SLC26A5: variants seen among roughly 807,000 people sequenced by gnomAD.
The protein encoded by SLC26A5 is solute carrier family 26 member 5.
In SLC26A5, 51 loss-of-function variants were observed where a neutral mutation model predicts 81.0. The observed-to-expected ratio is 0.63, with a 90% CI of 0.50 to 0.80. SLC26A5 has a LOEUF of 0.80. SLC26A5 is among the 30% of genes least tolerant of loss of function. The pLI is 0.00. For synonymous variants in SLC26A5, 325 were observed against 332.8 expected (o/e 0.98, Z 0.25); for missense variants, 771 against 905.8 (o/e 0.85, Z 1.91).
chr7:103,368,847 T>A (rs1216242959), intron 19 of SLC26A5: 1 of 152,218 alleles, frequency 6.6e-6, no homozygotes, highest in African/African-American at 2.4e-5. Flanking sequence ...CAAATTACTT[T>A]AAAATTTTGG....
downstream of SLC26A5, among the ~76,000 whole-genome samples, chr7:103,373,941 T>C (rs1821163144): frequency 6.6e-6 from 1 of 152,194 alleles, no homozygotes; most frequent in African/African-American, 2.4e-5. Context: ...AAAAGGTTAT[T>C]TTAAAACAAG....
chr7:103,370,387 A>AC (rs1259382856), downstream of SLC26A5, among the ~76,000 whole-genome samples: 7 of 105,288 alleles, frequency 6.6e-5, 1 homozygote, highest in African/African-American at 2.2e-4. Flanking sequence ...GCACACCCCC[A>AC]CCCCCCCAAC....
chr7:103,407,765 T>C, intron 8 of SLC26A5, 86 bp downstream of exon 8: 1 of 1,479,914 alleles, frequency 6.8e-7, no homozygotes, highest in Non-Finnish European at 9.2e-7. Flanking sequence ...AGCAAAAAAT[T>C]CCTTTCATCC....
intron 1 of SLC26A5, chr7:103,445,534 G>A (rs549924118): frequency 7.2e-5 from 11 of 152,348 alleles, no homozygotes; most frequent in African/African-American, 2.6e-4. Flanking sequence ...GTCCCTTCGT[G>A]ACCGGATAAG....
rs141147542 is a variant in SLC26A5, at chr7:103,367,549, G to A, written c.2041+9259C>T. ...TGGCCACTAACAGACCTGATACTTT[G>A]GATCCAGCACTGATGAGGCCAGGGA... On this transcript the variant is annotated intron_variant, in intron 19 of 19. Transcript: ENST00000339444. The surrounding 1 kb of genome is among the most constrained non-coding windows in gnomAD (Gnocchi z 6.1). 302 of 1,614,000 alleles carry A rather than the reference G, an allele frequency of 1.9e-4. No homozygotes were observed. The highest frequency in any genetic ancestry group is 2.4e-4 in the Non-Finnish European group (287 of 1,180,024).
chr7:103,390,853 T>A (rs893595697), intron 11 of SLC26A5, among the ~76,000 whole-genome samples: 5 of 151,084 alleles, frequency 3.3e-5, no homozygotes, highest in Non-Finnish European at 7.4e-5. Context: ...AGTAGCCACA[T>A]GTGGCCATTT....
rs1014107223 is a variant in SLC26A5, at chr7:103,377,722, G to A, written c.1863C>T (p.Ile621=). The change falls in exon 18 of 20, where the codon ATC becomes ATT. Residue 621 remains isoleucine, a synonymous_variant. Transcript: ENST00000306312. ...DGEVKYPPIV[I]KSTFPEEMQR... ...GCATTTCCTCAGGAAATGTGCTTTT[G>A]ATCACTATTGGGGGATATTTTACTT... 14 of 1,613,976 alleles carry A rather than the reference G, an allele frequency of 8.7e-6. No homozygotes were observed. The highest frequency in any genetic ancestry group is 1.2e-5 in the Non-Finnish European group (14 of 1,180,018).
At chr7:103,377,848 T>C in intron 17 of SLC26A5, 49 bp from the exon 18 acceptor site, 2 of 1,556,582 alleles carry the variant, frequency 1.3e-6, no homozygotes, top group Non-Finnish European at 1.8e-6. Context: ...AACTCACATT[T>C]CTGGTTGTGA....
In SLC26A5 at chr7:103,378,463, C is replaced by G. The variant is rs368889484; in HGVS notation, c.1768G>C (p.Ala590Pro). Residue 590 changes from alanine (A) to proline (P), a missense_variant, in exon 17 of 20, where the codon GCA becomes CCA. Transcript: ENST00000306312. ...CCACTCACTGCTTTGACAACAGTTG[C>G]GTTGGCCATATTTGCATTTCCGACT... ...KEVGNANMANATVVKADAEVD... is the reference protein window; with the variant it reads ...KEVGNANMANPTVVKADAEVD... 6.2e-7 allele frequency: 1 copy of G among 1,614,084 alleles called. No individual in the cohort carries two copies.
chr7:103,374,703 T>TTA, intron 19 of SLC26A5, 111 bp from the exon 20 acceptor site: 1 of 1,136,904 alleles, frequency 8.8e-7, no homozygotes, highest in Non-Finnish European at 1.2e-6. Flanking sequence ...TGTTTTTTGT[T>TTA]TCTTTTTTTT....
intron 19 of SLC26A5, among the ~76,000 whole-genome samples, chr7:103,374,793 G>T (rs1380917409): frequency 6.7e-6 from 1 of 149,510 alleles, no homozygotes; most frequent in Non-Finnish European, 1.5e-5. Context: ...TCCAACTCCT[G>T]CGTTCAAGCA....
intron 2 of SLC26A5, among the ~76,000 whole-genome samples, chr7:103,425,349 G>A (rs1586365381): frequency 1.3e-5 from 2 of 152,288 alleles, no homozygotes; most frequent in East Asian, 3.9e-4. Flanking sequence ...TAATGCTTAG[G>A]ATCCACACCT....
At chr7:103,363,510 G>A (rs1350894598) in intron 19 of SLC26A5, 2 of 1,339,716 alleles carry the variant, frequency 1.5e-6, no homozygotes, top group Non-Finnish European at 2.1e-6. Context: ...CACTAAAATT[G>A]CTTGTATATT....
chr7:103,422,275 T>C (rs1237209937), intron 2 of SLC26A5, among the ~76,000 whole-genome samples: 1 of 152,214 alleles, frequency 6.6e-6, no homozygotes, highest in Non-Finnish European at 1.5e-5. Flanking sequence ...CAAGAATGTT[T>C]TCTGCAGCCT....
intron 8 of SLC26A5, among the ~76,000 whole-genome samples, chr7:103,406,592 C>T (rs973536208): frequency 5.3e-5 from 8 of 151,900 alleles, no homozygotes; most frequent in African/African-American, 1.9e-4. Flanking sequence ...GTGTTGATCT[C>T]GAAGGGAGCT....
chr7:103,367,728 T>C lies in SLC26A5; in HGVS notation c.2041+9080A>G, dbSNP rs757417747. 6.2e-7 allele frequency: 1 copy of C among 1,613,718 alleles called. No homozygotes were observed. Among genetic ancestry groups the C allele is most frequent in the Non-Finnish European group, 8.5e-7 (1 of 1,179,852 alleles). ...TCATTTTTAGGGTCGGACCCACATA[T>C]TTAAGATTCACGCTCGTTCAATGAG... On this transcript the variant is annotated intron_variant, in intron 19 of 19. Transcript: ENST00000339444. This position sits in a 1 kb window ranked among gnomAD's most constrained non-coding sequence, Gnocchi z 6.1.
chr7:103,392,824 G>A lies in SLC26A5; in HGVS notation c.1119+95C>T, dbSNP rs1458552800. The A allele has an allele frequency of 3.3e-6, 5 of 1,493,786 alleles. No individual in the cohort carries two copies. In the African/African-American group the frequency reaches 5.5e-5, roughly 16 times the overall value. 92.5% of individuals were successfully genotyped at this position (1,493,786 alleles called of 1,614,324 possible). ...AATCTCCTGACCTCATGATCCGCCT[G>A]CCTTGGCCTCCCGAAGTGCTGGGAT... On this transcript the variant is annotated intron_variant, in intron 10 of 19. Coordinates refer to ENST00000306312, the MANE Select transcript of SLC26A5 (RefSeq NM_198999.3).
At position 103,367,387 on chromosome 7, in the gene SLC26A5, GCTTATCTTTC is replaced by G. The variant is rs748568091; in HGVS notation, c.2041+9411_2041+9420del. On this transcript the variant is annotated intron_variant, in intron 19 of 19. Coordinates refer to the SLC26A5 transcript ENST00000339444. The surrounding 1 kb of genome is among the most constrained non-coding windows in gnomAD (Gnocchi z 6.1). ...TGCTACTCTTGAGTGGACTTGAAGA[GCTTATCTTTC>G]CTTTTGTCTTCTCAGGGGCTCGTTT... is the stretch of plus-strand genomic sequence containing the variant. 4.3e-6 allele frequency: 7 copies of G among 1,610,946 alleles called. 1 individual carries two copies. The South Asian group carries it at 4.4e-5, about 10-fold the overall frequency.
intron 19 of SLC26A5, among the ~76,000 whole-genome samples, chr7:103,376,372 G>A (rs1276727891): frequency 6.6e-6 from 1 of 152,114 alleles, no homozygotes; most frequent in African/African-American, 2.4e-5. Context: ...CACAACACCC[G>A]GCCTCAAGCA....
Sources: gnomAD v4.1 joint callset for allele counts (sites outside exome capture counted in the v4.1 genomes callset) on GRCh38, gnomAD v4.1.1 for gene constraint, Gnocchi (gnomAD v3.1) non-coding constraint, MANE v1.5 for transcripts, NCBI Gene and HGNC (gene_info 2026-07-23, HGNC 2026-07-21) for gene names.